The following DAP3 variants were observed in gnomAD, a reference collection of about 807,000 sequenced individuals.
The protein encoded by DAP3 is death associated protein 3, also known as small ribosomal subunit protein mS29.
Under a neutral mutation model 51.9 loss-of-function variants are expected in DAP3, and 28 were observed. That is an observed-to-expected ratio of 0.54 (90% CI 0.40 to 0.74). The LOEUF is 0.74. Ranked by LOEUF, DAP3 falls within the 30% of genes least tolerant of loss-of-function variation. The pLI, the probability that DAP3 is intolerant of heterozygous loss-of-function variation, is 0.00. For missense variants in DAP3, 458 were observed against 483.5 expected (o/e 0.95, Z 0.49); for synonymous variants, 170 against 170.3 (o/e 1.00, Z 0.01).
intron 12 of DAP3, among the ~76,000 whole-genome samples, chr1:155,737,506 A>G (rs193054031): frequency 2.0e-5 from 3 of 152,348 alleles, no homozygotes; most frequent in Non-Finnish European, 2.9e-5. Flanking sequence ...TTTCAGCACT[A>G]TATTTCATCT....
intron 1 of DAP3, among the ~76,000 whole-genome samples, chr1:155,692,413 A>C (rs1203187021): frequency 7.1e-6 from 1 of 141,546 alleles, no homozygotes; most frequent in Non-Finnish European, 1.5e-5. Flanking sequence ...CATTGCTATT[A>C]AGACTTGTTC....
At chr1:155,697,828 G>T (rs1217424576) in intron 1 of DAP3, among the ~76,000 whole-genome samples, 1 of 152,184 alleles carries the variant, frequency 6.6e-6, no homozygotes. Context: ...AAGCCTGAGG[G>T]TGCTGCAGGA....
intron 9 of DAP3, among the ~76,000 whole-genome samples, chr1:155,730,973 T>A (rs1659174764): frequency 6.6e-6 from 1 of 151,950 alleles, no homozygotes; most frequent in African/African-American, 2.4e-5. Flanking sequence ...TTGAGGGTTT[T>A]AAAAAAATTG....
intron 2 of DAP3, among the ~76,000 whole-genome samples, chr1:155,713,821 G>C (rs1031224171): frequency 1.3e-5 from 2 of 152,086 alleles, no homozygotes; most frequent in African/African-American, 4.8e-5. Flanking sequence ...AGGATTTCTA[G>C]GTTTAAAACT....
Position 155,711,083 on chromosome 1 carries a change from C to T in DAP3, c.45+1259C>T, listed in dbSNP as rs192921681. Among the ~76,000 whole-genome samples, 7 of 152,106 alleles carry T rather than the reference C, an allele frequency of 4.6e-5. No individual in the cohort carries two copies. In the East Asian group the frequency reaches 1.4e-3, roughly 30 times the overall value. ...GCTCCCCCTGCATGTGCCCCCTTCC[C>T]TCAGGCCTATATATTAATACATAAA... is the stretch of plus-strand genomic sequence containing the variant. On this transcript the variant is annotated intron_variant, in intron 2 of 12. Transcript: ENST00000368336.
intron 3 of DAP3, among the ~76,000 whole-genome samples, 156 bp from the exon 4 acceptor site, chr1:155,721,361 T>C (rs1657982570): frequency 6.8e-6 from 1 of 147,508 alleles, no homozygotes; most frequent in African/African-American, 2.5e-5. Context: ...TGTATGTGTA[T>C]ATATATATGT....
intron 1 of DAP3, among the ~76,000 whole-genome samples, chr1:155,689,833 AC>A (rs1184271043): frequency 6.6e-5 from 10 of 151,774 alleles, no homozygotes; most frequent in African/African-American, 2.2e-4. Flanking sequence ...AATTGCTTGA[AC>A]CCGGGCGGCG....
At chr1:155,689,275 T>G in intron 1 of DAP3, 101 bp downstream of exon 1, 1 of 653,356 alleles carries the variant, frequency 1.5e-6, no homozygotes, top group African/African-American at 1.8e-5. Context: ...CCGGCGCGCC[T>G]CCGGGGGGGA....
chr1:155,716,202 A>G (rs1657312673), intron 2 of DAP3, among the ~76,000 whole-genome samples: 1 of 152,234 alleles, frequency 6.6e-6, no homozygotes, highest in Admixed American at 6.5e-5. Context: ...TGGAACAGAT[A>G]CAGAATATGA....
In DAP3 at chr1:155,732,045, G is replaced by C. The variant is rs1450255037; in HGVS notation, c.993+12G>C. ...AGTTGCTGGGAAAGGTCAAGTCAAA[G>C]GAAAATTTGTTTCTACTTAGATTGT... On this transcript the variant is annotated intron_variant, in intron 11 of 12. Coordinates refer to ENST00000368336, the MANE Select transcript of DAP3 (RefSeq NM_004632.4). 1.9e-6 allele frequency: 3 copies of C among 1,598,936 alleles called. No individual in the cohort carries two copies. The highest frequency in any genetic ancestry group is 2.6e-6 in the Non-Finnish European group (3 of 1,173,024).
intron 12 of DAP3, 50 bp from the exon 13 acceptor site, chr1:155,738,107 C>G: frequency 6.4e-7 from 1 of 1,571,624 alleles, no homozygotes; most frequent in Non-Finnish European, 8.7e-7. Flanking sequence ...CTGGGGAACA[C>G]AGTGCAGCAG....
intron 2 of DAP3, 63 bp from the exon 3 acceptor site, chr1:155,716,943 C>G: frequency 6.5e-7 from 1 of 1,546,698 alleles, no homozygotes; most frequent in Non-Finnish European, 8.7e-7. Context: ...AGAGAAACTC[C>G]ATCTCAAAAA....
chr1:155,698,853 C>T (rs1654833489), intron 1 of DAP3, among the ~76,000 whole-genome samples: 2 of 152,208 alleles, frequency 1.3e-5, no homozygotes, highest in Non-Finnish European at 2.9e-5. Context: ...TCTCCAAGTG[C>T]CCCGCTCACC....
At chr1:155,688,218 A>G (rs1168311159), upstream of DAP3, 3 of 1,613,656 alleles carry the variant, frequency 1.9e-6, no homozygotes, top group South Asian at 1.1e-5. Flanking sequence ...GAAATGCGAG[A>G]GAGGAGAAGG....
chr1:155,699,730 T>C (rs1239787336), intron 1 of DAP3, among the ~76,000 whole-genome samples: 8 of 151,184 alleles, frequency 5.3e-5, no homozygotes. Flanking sequence ...CCTCCCACTT[T>C]AGCCTCCCAA....
At chr1:155,720,776 C>A (rs535657683) in intron 3 of DAP3, among the ~76,000 whole-genome samples, 1 of 151,646 alleles carries the variant, frequency 6.6e-6, no homozygotes, top group South Asian at 2.1e-4. Flanking sequence ...CTGTGGCTCA[C>A]GCCTGTAATC....
intron 6 of DAP3, 91 bp downstream of exon 6, chr1:155,726,110 TTTC>T: frequency 1.8e-6 from 2 of 1,133,528 alleles, no homozygotes; most frequent in Non-Finnish European, 2.5e-6. Context: ...TTTCTTTTCT[TTTC>T]TTTTTTTTTT....
At chr1:155,727,059 G>T (rs1459264017) in intron 6 of DAP3, 1 of 152,328 alleles carries the variant, frequency 6.6e-6, no homozygotes, top group Admixed American at 6.6e-5. Flanking sequence ...TTTGCCATCT[G>T]TTAACAGTCC....
chr1:155,698,009 T>A (rs894107540), intron 1 of DAP3, among the ~76,000 whole-genome samples: 2 of 152,362 alleles, frequency 1.3e-5, no homozygotes, highest in East Asian at 3.9e-4. Flanking sequence ...AAGAGAAATA[T>A]GACTCTGTTC....
Sources: allele counts gnomAD v4.1 joint callset (sites outside exome capture counted in the v4.1 genomes callset), GRCh38; gene constraint gnomAD v4.1.1; transcripts MANE v1.5; gene names NCBI Gene and HGNC (gene_info 2026-07-23, HGNC 2026-07-21).